ELP2: variants seen among roughly 807,000 people sequenced by gnomAD.
ELP2 encodes the protein elongator acetyltransferase complex subunit 2, also known as elongator complex protein 2.
Under a neutral mutation model 119.2 loss-of-function variants are expected in ELP2, and 90 were observed. The observed-to-expected ratio is 0.75, with a 90% CI of 0.64 to 0.90. The LOEUF is 0.90. ELP2 is among the 40% of genes least tolerant of loss of function. The pLI is 0.00. For missense variants in ELP2, 921 were observed against 967.8 expected (o/e 0.95, Z 0.64); for synonymous variants, 339 against 331.0 (o/e 1.02, Z -0.26).
At chr18:36,132,438 T>A (rs2089668749) in intron 1 of ELP2, among the ~76,000 whole-genome samples, 1 of 152,204 alleles carries the variant, frequency 6.6e-6, no homozygotes, top group East Asian at 1.9e-4. Flanking sequence ...TATATTAGTT[T>A]ATGCACATTT....
intron 6 of ELP2, 24 bp from the exon 7 acceptor site, chr18:36,142,257 G>A: frequency 6.2e-7 from 1 of 1,600,788 alleles, no homozygotes; most frequent in Non-Finnish European, 8.6e-7. Context: ...CTTACATCAA[G>A]CCCAATGATT....
rs1239631733 is a variant in ELP2, at chr18:36,149,478, G to GTTTTTTTTTT, written c.1125+3101_1125+3102insTTTTTTTTTT. 2.6e-3 allele frequency among the ~76,000 whole-genome samples: 168 copies of GTTTTTTTTTT among 64,470 alleles called. 8 individuals are homozygous for GTTTTTTTTTT. The highest frequency in any genetic ancestry group is 0.011 in the Middle Eastern group (1 of 94). 42.3% of individuals were successfully genotyped at this position (64,470 alleles called of 152,430 possible). A position where few individuals can be genotyped will look rare whatever the true frequency, so the allele number is the denominator to read the frequency against. ...TAGAAACATAGTTGCAGGGTTTTTT[G>GTTTTTTTTTT]TTTTGTTTTGTTTTTTTTTTTTTTG... On this transcript the variant is annotated intron_variant, in intron 11 of 21. Transcript: ENST00000358232.
chr18:36,169,948 A>AT lies in ELP2; in HGVS notation c.2077-109dup, dbSNP rs2091027616. The AT allele has an allele frequency of 9.3e-6, 13 of 1,397,452 alleles. No individual in the cohort carries two copies. In the South Asian group the frequency reaches 1.3e-4, roughly 14 times the overall value. 86.6% of individuals were successfully genotyped at this position (1,397,452 alleles called of 1,614,324 possible). A position where few individuals can be genotyped will look rare whatever the true frequency, so the allele number is the denominator to read the frequency against. ...ACACCATACACGAATGTAATGATGC[A>AT]TTTTTTAAAATACCAGAGCAAATAC... On this transcript the variant is annotated intron_variant, in intron 19 of 21. Transcript: ENST00000358232.
At chr18:36,151,191 C>G (rs975129303) in intron 11 of ELP2, among the ~76,000 whole-genome samples, 1 of 151,466 alleles carries the variant, frequency 6.6e-6, no homozygotes, top group Non-Finnish European at 1.5e-5. Flanking sequence ...CTCAATCGAT[C>G]CTCCCACCTC....
chr18:36,172,137 A>G (rs1175576318), intron 21 of ELP2, among the ~76,000 whole-genome samples: 1 of 152,138 alleles, frequency 6.6e-6, no homozygotes, highest in Non-Finnish European at 1.5e-5. Context: ...GTGATGGTGC[A>G]TGACTGTGGG....
At chr18:36,170,042 T>C (rs770640135) in intron 19 of ELP2, 21 bp from the exon 20 acceptor site, 2 of 1,614,102 alleles carry the variant, frequency 1.2e-6, no homozygotes, top group Non-Finnish European at 1.7e-6. Context: ...GGCTTTACAG[T>C]GTGTGATCTG....
intron 1 of ELP2, among the ~76,000 whole-genome samples, chr18:36,132,004 G>A (rs930009362): frequency 5.8e-5 from 7 of 119,780 alleles, no homozygotes; most frequent in East Asian, 2.9e-4. Flanking sequence ...TCCACCTCCC[G>A]AAATCAAGTG....
At chr18:36,141,023 G>A (rs1301268995) in intron 5 of ELP2, 114 bp from the exon 6 acceptor site, 9 of 835,296 alleles carry the variant, frequency 1.1e-5, no homozygotes, top group Non-Finnish European at 1.5e-5. Context: ...GTGTAGTGGT[G>A]TGGGAAATTG....
chr18:36,150,376 G>C (rs2090356983), intron 11 of ELP2, among the ~76,000 whole-genome samples: 1 of 152,216 alleles, frequency 6.6e-6, no homozygotes, highest in South Asian at 2.1e-4. Context: ...TCTCCAGGTA[G>C]TATAAAGCAT....
chr18:36,138,834 C>T lies in ELP2; in HGVS notation c.485C>T (p.Ala162Val), dbSNP rs1207994311. The T allele has an allele frequency of 1.2e-6, 2 of 1,613,780 alleles. No individual in the cohort carries two copies. The highest frequency in any genetic ancestry group is 2.2e-5 in the East Asian group (1 of 44,862). ...ACTTTAAACTTTGGAAATGGATTTGCTTTGGCTCTCTGCTTATCTTTTTTG... is the reference window on the plus strand; with the variant it reads ...ACTTTAAACTTTGGAAATGGATTTGTTTTGGCTCTCTGCTTATCTTTTTTG... ...LQTLNFGNGFALALCLSFLPN... is the reference protein window; with the variant it reads ...LQTLNFGNGFVLALCLSFLPN... The change falls in exon 5 of 22, where the codon GCT becomes GTT. Residue 162 changes from alanine (A) to valine (V), a missense_variant. By Grantham distance (64) the Ala-to-Val change is moderately conservative. Coordinates refer to ENST00000358232, the MANE Select transcript of ELP2 (RefSeq NM_018255.4).
Position 36,147,048 on chromosome 18 carries a change from T to C in ELP2, c.1125+667T>C, listed in dbSNP as rs78481924. ...GTCCTTGAGGACATTAGTTAATCCC[T>C]GTCTCAGGTTCCTCATTTGTAAAAC... On this transcript the variant is annotated intron_variant, in intron 11 of 21. Transcript: ENST00000358232. 3.9e-3 allele frequency among the ~76,000 whole-genome samples: 595 copies of C among 151,830 alleles called. 4 individuals are homozygous for C. The highest frequency in any genetic ancestry group is 0.014 in the African/African-American group (571 of 41,390).
intron 1 of ELP2, 150 bp downstream of exon 1, chr18:36,130,221 G>A: frequency 1.0e-6 from 1 of 969,622 alleles, no homozygotes; most frequent in Non-Finnish European, 1.6e-6. Context: ...GTCTCCAGTG[G>A]ACCTGCCGGA....
chr18:36,159,836 A>G lies in ELP2; in HGVS notation c.1630+6A>G, dbSNP rs1262549014. 8.1e-6 allele frequency: 13 copies of G among 1,613,088 alleles called. No homozygotes were observed. The East Asian group carries it at 2.9e-4, about 36-fold the overall frequency. On this transcript the variant is annotated splice_donor_region_variant and intron_variant, in intron 15 of 21. Coordinates refer to ENST00000358232, the MANE Select transcript of ELP2 (RefSeq NM_018255.4). Reference sequence around the variant, plus strand: ...TCAGCCCTCCATACTTACTGGTAAGATGTGACAAAGACAATTTAATAAATC... The same window carrying G: ...TCAGCCCTCCATACTTACTGGTAAGGTGTGACAAAGACAATTTAATAAATC...
chr18:36,164,651 A>G lies in ELP2; in HGVS notation c.1938A>G (p.Thr646=), dbSNP rs141646549. 1,781 of 1,614,070 alleles carry G rather than the reference A, an allele frequency of 1.1e-3. No homozygotes were observed. The highest frequency in any genetic ancestry group is 1.4e-3 in the Non-Finnish European group (1,607 of 1,179,966). Residue 646 remains threonine (T), a synonymous_variant, in exon 18 of 22, where the codon ACA becomes ACG. Transcript: ENST00000358232. ...RTWSLWKKQD[T]ISPEFEPVFS... ...GGTCATTGTGGAAAAAGCAGGATAC[A>G]ATCTCACCTGAGTTCGGTAAAACAG...
rs377288229 is a variant in ELP2, at chr18:36,159,786, G to A, written c.1586G>A (p.Gly529Asp). 2 of 1,613,950 alleles carry A rather than the reference G, an allele frequency of 1.2e-6. No individual in the cohort carries two copies. The highest frequency in any genetic ancestry group is 1.7e-6 in the Non-Finnish European group (2 of 1,179,986). Residue 529 changes from glycine (G) to aspartate (D), a missense_variant, in exon 15 of 22, where the codon GGT becomes GAT. Coordinates refer to ENST00000358232, the MANE Select transcript of ELP2 (RefSeq NM_018255.4). ...SDEEELLTST[G>D]FEYQQVAFQP... ...GAAGAGGAGCTGTTAACTAGTACTG[G>A]TTTTGAGTATCAGCAGGTGGCCTTT... is the stretch of plus-strand genomic sequence containing the variant.
chr18:36,138,192 T>C (rs2089898976), intron 3 of ELP2, 78 bp from the exon 4 acceptor site: 2 of 1,502,864 alleles, frequency 1.3e-6, no homozygotes, highest in East Asian at 2.3e-5. Context: ...AGCCATTTTA[T>C]TGGCACATTT....
intron 11 of ELP2, among the ~76,000 whole-genome samples, chr18:36,148,469 G>C (rs1351340301): frequency 6.6e-6 from 1 of 152,098 alleles, no homozygotes; most frequent in Non-Finnish European, 1.5e-5. Context: ...ACTGTAACAA[G>C]GGCTATGGGA....
In ELP2 at chr18:36,160,953, AT is replaced by A. The variant is rs1283454201; in HGVS notation, c.1714del (p.Cys572ValfsTer39). 8 of 1,613,306 alleles carry A rather than the reference AT, an allele frequency of 5.0e-6. No individual in the cohort carries two copies. The African/African-American group carries it at 1.1e-4, about 22-fold the overall frequency. ...TTAGATATGGGCACGGTTATGAAAT[AT>A]TTTGTGTTACTTGTAACAGTTCAAA... ...QKLYGHGYEI[F>X]CVTCNSSKTL... On this transcript the variant is annotated frameshift_variant, in exon 17 of 22. Transcript: ENST00000358232. LOFTEE classifies it high-confidence loss of function.
At chr18:36,167,478 G>T (rs931358223) in intron 19 of ELP2, among the ~76,000 whole-genome samples, 1 of 152,104 alleles carries the variant, frequency 6.6e-6, no homozygotes, top group African/African-American at 2.4e-5. Flanking sequence ...TGGTCCCAGT[G>T]GAAGAAGAGT....
Sources: gnomAD v4.1 joint callset for allele counts (sites outside exome capture counted in the v4.1 genomes callset) on GRCh38, gnomAD v4.1.1 for gene constraint, MANE v1.5 for transcripts, NCBI Gene and HGNC (gene_info 2026-07-23, HGNC 2026-07-21) for gene names.